CACNA2D3: variants seen among roughly 807,000 people sequenced by gnomAD.
CACNA2D3 encodes the protein calcium voltage-gated channel auxiliary subunit alpha2delta 3.
A neutral mutation model predicts 160.6 loss-of-function variants in CACNA2D3; 60 were observed. The ratio of observed to expected loss-of-function variants is 0.37; its 90% CI spans 0.30 to 0.46. CACNA2D3 has a LOEUF of 0.46. CACNA2D3 is among the 20% of genes least tolerant of loss of function. CACNA2D3 has a pLI of 1.00. For synonymous variants in CACNA2D3, 558 were observed against 492.9 expected (o/e 1.13, Z -1.75); for missense variants, 1,205 against 1,365.0 (o/e 0.88, Z 1.85).
At chr3:54,793,988 GTTATTGAT>G (rs1364160249) in intron 13 of CACNA2D3, among the ~76,000 whole-genome samples, 2 of 151,922 alleles carry the variant, frequency 1.3e-5, no homozygotes, top group Non-Finnish European at 1.5e-5. Context: ...TTTCATCTAA[GTTATTGAT>G]TTATTGGCAT....
chr3:54,566,869 C>A (rs1249586155), intron 6 of CACNA2D3, among the ~76,000 whole-genome samples: 9 of 152,194 alleles, frequency 5.9e-5, no homozygotes, highest in Non-Finnish European at 1.2e-4. Flanking sequence ...GTAAAGAGTT[C>A]TCCATAAGTT....
chr3:54,173,412 G>A (rs1337699347), intron 2 of CACNA2D3, among the ~76,000 whole-genome samples: 1 of 152,170 alleles, frequency 6.6e-6, no homozygotes, highest in Non-Finnish European at 1.5e-5. Context: ...TAATAATAAT[G>A]CAATTTTAAA....
At chr3:54,797,048 G>A (rs1002968166) in intron 13 of CACNA2D3, among the ~76,000 whole-genome samples, 9 of 152,148 alleles carry the variant, frequency 5.9e-5, no homozygotes, top group African/African-American at 2.2e-4. Context: ...GATTCTTTAA[G>A]ATCATCTTTC....
intron 13 of CACNA2D3, among the ~76,000 whole-genome samples, chr3:54,813,615 T>C (rs1339361481): frequency 6.6e-6 from 1 of 152,160 alleles, no homozygotes; most frequent in Non-Finnish European, 1.5e-5. Flanking sequence ...ACTCTGGGCA[T>C]ATCCTAGTAA....
chr3:55,067,101 CG>C (rs569501820), intron 35 of CACNA2D3, among the ~76,000 whole-genome samples: 1 of 150,318 alleles, frequency 6.7e-6, no homozygotes, highest in South Asian at 2.1e-4. Flanking sequence ...TCTTTTGTAG[CG>C]GGGGGGGCTT....
chr3:54,681,536 G>A (rs1459903052), intron 11 of CACNA2D3, among the ~76,000 whole-genome samples: 9 of 144,522 alleles, frequency 6.2e-5, no homozygotes, highest in African/African-American at 2.1e-4. Flanking sequence ...CAGCCTGGGC[G>A]ACAGAGTGAG....
intron 13 of CACNA2D3, among the ~76,000 whole-genome samples, chr3:54,765,450 C>G (rs1240656098): frequency 6.6e-6 from 1 of 152,204 alleles, no homozygotes; most frequent in South Asian, 2.1e-4. Flanking sequence ...AGACCATGAG[C>G]TTTTATCAGC....
chr3:54,888,522 A>G lies in CACNA2D3; in HGVS notation c.2150+470A>G, dbSNP rs578073736. ...TGTGGGGAAGGCCGTGGTAGTTGAT[A>G]TCAAAGACTAGGATGAGAACTGCTT... On this transcript the variant is annotated intron_variant, in intron 24 of 37. Transcript: ENST00000474759. 2.6e-5 allele frequency among the ~76,000 whole-genome samples: 4 copies of G among 152,330 alleles called. No individual in the cohort carries two copies. In the East Asian group the frequency reaches 7.7e-4, roughly 29 times the overall value.
At chr3:54,751,142 C>T (rs188611602) in intron 11 of CACNA2D3, among the ~76,000 whole-genome samples, 25 of 152,096 alleles carry the variant, frequency 1.6e-4, no homozygotes, top group Non-Finnish European at 3.1e-4. Flanking sequence ...AAACAAAAAC[C>T]GTATCCTCAC....
chr3:54,889,671 T>G (rs942712443), intron 24 of CACNA2D3, among the ~76,000 whole-genome samples: 10 of 152,170 alleles, frequency 6.6e-5, no homozygotes, highest in African/African-American at 2.2e-4. Flanking sequence ...AGATGTCAGG[T>G]AGGCTGTTTA....
intron 11 of CACNA2D3, among the ~76,000 whole-genome samples, chr3:54,703,979 G>C (rs1342537287): frequency 6.6e-6 from 1 of 152,204 alleles, no homozygotes; most frequent in Admixed American, 6.5e-5. Context: ...ACTACATGCT[G>C]TCTTTCTTTT....
At chr3:54,925,759 T>C (rs1381339677) in intron 27 of CACNA2D3, among the ~76,000 whole-genome samples, 3 of 152,196 alleles carry the variant, frequency 2.0e-5, no homozygotes, top group Non-Finnish European at 4.4e-5. Context: ...ACCAAGGAAC[T>C]GAATTTTTAT....
At chr3:54,849,660 C>T (rs568081474) in intron 17 of CACNA2D3, among the ~76,000 whole-genome samples, 82 of 152,240 alleles carry the variant, frequency 5.4e-4, no homozygotes, top group African/African-American at 1.8e-3. Context: ...TTTGTCTCCT[C>T]GCAAGCCCAG....
chr3:55,004,033 C>A (rs1352682671), intron 31 of CACNA2D3, among the ~76,000 whole-genome samples: 1 of 152,134 alleles, frequency 6.6e-6, no homozygotes, highest in African/African-American at 2.4e-5. Flanking sequence ...TTCACCTTTC[C>A]TTTGTTGATG....
chr3:54,691,371 C>T (rs998718266), intron 11 of CACNA2D3, among the ~76,000 whole-genome samples: 4 of 152,086 alleles, frequency 2.6e-5, no homozygotes, highest in African/African-American at 4.8e-5. Context: ...CCCAATGGCT[C>T]GAAGACTCCA....
chr3:54,318,693 CTT>C (rs376114168), intron 2 of CACNA2D3, among the ~76,000 whole-genome samples: 16 of 129,764 alleles, frequency 1.2e-4, no homozygotes, highest in African/African-American at 4.4e-4. Context: ...AGAGGAGTAT[CTT>C]TTTTTTTTTT....
At chr3:54,496,588 G>C (rs765469851) in intron 4 of CACNA2D3, among the ~76,000 whole-genome samples, 1 of 152,194 alleles carries the variant, frequency 6.6e-6, no homozygotes, top group Non-Finnish European at 1.5e-5. Flanking sequence ...TTCCTGAACC[G>C]TGGCTTTCAT....
At chr3:54,655,821 G>A (rs1409435692) in intron 11 of CACNA2D3, among the ~76,000 whole-genome samples, 3 of 152,210 alleles carry the variant, frequency 2.0e-5, no homozygotes, top group African/African-American at 7.2e-5. Flanking sequence ...GGTTTGAAAA[G>A]TAGTGTCACT....
intron 35 of CACNA2D3, among the ~76,000 whole-genome samples, chr3:55,060,783 C>A (rs570715163): frequency 1.3e-5 from 2 of 151,914 alleles, no homozygotes; most frequent in African/African-American, 2.4e-5. Context: ...AAAAAAAAAA[C>A]TTTGAAAAAC....
Sources: gnomAD v4.1 joint callset for allele counts (sites outside exome capture counted in the v4.1 genomes callset) on GRCh38, gnomAD v4.1.1 for gene constraint, MANE v1.5 for transcripts, NCBI Gene and HGNC (gene_info 2026-07-23, HGNC 2026-07-21) for gene names.